The following ARID5B variants were observed in gnomAD, a reference collection of about 807,000 sequenced individuals.
ARID5B encodes AT-rich interaction domain 5B.
Under a neutral mutation model 97.2 loss-of-function variants are expected in ARID5B, and 13 were observed. The observed-to-expected ratio is 0.13, with a 90% CI of 0.09 to 0.21. ARID5B has a LOEUF of 0.21. Among genes scored for constraint, ARID5B ranks in the 10% least tolerant of loss-of-function variants. The pLI is 1.00. For synonymous variants in ARID5B, 556 were observed against 570.3 expected (o/e 0.97, Z 0.36); for missense variants, 1,210 against 1,465.3 (o/e 0.83, Z 2.84).
intron 3 of ARID5B, among the ~76,000 whole-genome samples, chr10:61,987,990 G>A (rs1333800189): frequency 1.3e-5 from 2 of 152,206 alleles, no homozygotes; most frequent in Admixed American, 1.3e-4. Context: ...CAGATGGTAG[G>A]TACTTTGGGA....
At chr10:61,938,671 G>A (rs776573477) in intron 2 of ARID5B, among the ~76,000 whole-genome samples, 2 of 152,140 alleles carry the variant, frequency 1.3e-5, no homozygotes, top group Non-Finnish European at 2.9e-5. Flanking sequence ...TTTCTTGAGC[G>A]CACGATAGAA....
At chr10:61,961,974 C>T (rs1167978336) in intron 3 of ARID5B, among the ~76,000 whole-genome samples, 1 of 152,212 alleles carries the variant, frequency 6.6e-6, no homozygotes, top group Non-Finnish European at 1.5e-5. Flanking sequence ...GTGTCAAACT[C>T]CTGACCTCAG....
chr10:62,068,964 A>C (rs913827810), intron 7 of ARID5B, among the ~76,000 whole-genome samples: 1 of 152,218 alleles, frequency 6.6e-6, no homozygotes, highest in Non-Finnish European at 1.5e-5. Context: ...GTACGTAGCT[A>C]GCATTTTAAC....
At chr10:62,043,932 G>T (rs778905738) in intron 4 of ARID5B, among the ~76,000 whole-genome samples, 1 of 152,140 alleles carries the variant, frequency 6.6e-6, no homozygotes, top group Non-Finnish European at 1.5e-5. Flanking sequence ...AGCAATCCAG[G>T]TATAGCAAAG....
intron 3 of ARID5B, among the ~76,000 whole-genome samples, chr10:61,963,192 T>G (rs1838496554): frequency 1.3e-5 from 2 of 152,180 alleles, no homozygotes. Context: ...ATGTCTCTCT[T>G]TTTTAGTTCC....
chr10:62,035,363 A>C (rs1280430741), intron 4 of ARID5B, among the ~76,000 whole-genome samples: 1 of 152,208 alleles, frequency 6.6e-6, no homozygotes, highest in Non-Finnish European at 1.5e-5. Context: ...CACCTACTAT[A>C]ATGATGCTAC....
At chr10:61,949,475 T>TA (rs1057195974) in intron 3 of ARID5B, among the ~76,000 whole-genome samples, 4 of 152,154 alleles carry the variant, frequency 2.6e-5, no homozygotes, top group African/African-American at 9.7e-5. Context: ...CGTTTCCTAC[T>TA]AAAAATACAA....
chr10:62,095,925 CA>C lies in ARID5B; in HGVS notation c.*2897del, dbSNP rs1478142312. On this transcript the variant is annotated 3_prime_UTR_variant, in exon 10 of 10. Transcript: ENST00000279873. ...TGAGTGTGGCTTCCAAGAAATGTTG[CA>C]ATTCAAAATGCACTAAGTCTGTGAT... The C allele has an allele frequency of 8.7e-6, 2 of 230,520 alleles. No individual in the cohort carries two copies. The highest frequency in any genetic ancestry group is 4.4e-5 in the African/African-American group (2 of 45,144). 14.3% of individuals were successfully genotyped at this position (230,520 alleles called of 1,614,324 possible).
chr10:61,991,828 G>A (rs371758516), intron 3 of ARID5B, among the ~76,000 whole-genome samples: 3 of 152,120 alleles, frequency 2.0e-5, no homozygotes, highest in East Asian at 3.9e-4. Flanking sequence ...TCGGGAGTTC[G>A]AGACCAGCTT....
intron 4 of ARID5B, among the ~76,000 whole-genome samples, chr10:62,009,766 A>C (rs1839193414): frequency 6.6e-6 from 1 of 152,218 alleles, no homozygotes; most frequent in South Asian, 2.1e-4. Context: ...CAGTTGGCTA[A>C]GGGCAAAGTG....
intron 3 of ARID5B, among the ~76,000 whole-genome samples, chr10:61,964,610 C>A (rs907020421): frequency 1.3e-5 from 2 of 152,162 alleles, no homozygotes; most frequent in Non-Finnish European, 2.9e-5. Context: ...CTGGAATACT[C>A]TGAGAAGAAA....
intron 7 of ARID5B, among the ~76,000 whole-genome samples, chr10:62,068,265 C>T (rs1840018804): frequency 6.6e-6 from 1 of 152,094 alleles, no homozygotes; most frequent in Non-Finnish European, 1.5e-5. Flanking sequence ...TTCAGTTACA[C>T]CTGCTAGTAG....
intron 2 of ARID5B, among the ~76,000 whole-genome samples, chr10:61,925,243 A>G (rs912327405): frequency 6.6e-6 from 1 of 152,082 alleles, no homozygotes; most frequent in Non-Finnish European, 1.5e-5. Flanking sequence ...CAGATGTTAA[A>G]GTAATGGTCG....
chr10:62,023,244 A>G (rs1839378471), intron 4 of ARID5B, among the ~76,000 whole-genome samples: 1 of 152,230 alleles, frequency 6.6e-6, no homozygotes, highest in African/African-American at 2.4e-5. Flanking sequence ...TTACTAGAAT[A>G]TTCATCAACT....
chr10:61,982,212 C>A (rs1838786371), intron 3 of ARID5B, among the ~76,000 whole-genome samples: 1 of 152,100 alleles, frequency 6.6e-6, no homozygotes, highest in Admixed American at 6.5e-5. Flanking sequence ...GATGTTTTTG[C>A]CTCTGTGCTA....
Position 61,985,164 on chromosome 10 carries a change from T to A in ARID5B, c.503-14927T>A, listed in dbSNP as rs149305949. On this transcript the variant is annotated intron_variant, in intron 3 of 9. Transcript: ENST00000279873. Reference sequence around the variant, plus strand: ...CGAAGACTTTCTTCACTCTCTTTGCTACCAAGATTCTGCCTCTGCTGTGAC... The same window carrying A: ...CGAAGACTTTCTTCACTCTCTTTGCAACCAAGATTCTGCCTCTGCTGTGAC... Among the ~76,000 whole-genome samples, 7 of 152,052 alleles carry A rather than the reference T, an allele frequency of 4.6e-5. No homozygotes were observed. The East Asian group carries it at 1.4e-3, about 30-fold the overall frequency.
chr10:61,994,801 AT>A (rs1328762975), intron 3 of ARID5B, among the ~76,000 whole-genome samples: 1 of 152,240 alleles, frequency 6.6e-6, no homozygotes, highest in African/African-American at 2.4e-5. Flanking sequence ...ATTAAGAGTC[AT>A]TTTGGTTGAG....
At chr10:62,083,353 A>G (rs2278305) in intron 8 of ARID5B, among the ~76,000 whole-genome samples, 124,004 of 148,444 alleles carry the variant, frequency 0.84, 52,007 homozygotes, top group African/African-American at 0.91. Context: ...ATGGTGCCCT[A>G]CTTTGTGAAC....
intron 3 of ARID5B, among the ~76,000 whole-genome samples, chr10:61,945,059 C>T (rs1844477747): frequency 6.6e-6 from 1 of 152,092 alleles, no homozygotes; most frequent in Non-Finnish European, 1.5e-5. Context: ...GAGTCAACAG[C>T]ATGGTGGGGT....
Sources: allele counts gnomAD v4.1 joint callset (sites outside exome capture counted in the v4.1 genomes callset), GRCh38; gene constraint gnomAD v4.1.1; transcripts MANE v1.5; gene names NCBI Gene and HGNC (gene_info 2026-07-23, HGNC 2026-07-21).